The following NEK1 variants were observed in gnomAD, a reference collection of about 807,000 sequenced individuals.
The protein encoded by NEK1 is NIMA related kinase 1.
Under a neutral mutation model 182.1 loss-of-function variants are expected in NEK1, and 137 were observed. That is an observed-to-expected ratio of 0.75 (90% CI 0.65 to 0.87). The LOEUF (loss-of-function observed/expected upper bound fraction) is 0.87. NEK1 is among the 40% of genes least tolerant of loss of function. The probability of loss-of-function intolerance (pLI) is 0.00; values close to 1 mark genes in which losing one functional copy is unlikely to be tolerated. For synonymous variants in NEK1, 513 were observed against 492.2 expected (o/e 1.04, Z -0.56); for missense variants, 1,391 against 1,494.4 (o/e 0.93, Z 1.14).
chr4:169,571,661 A>G (rs1764872713), intron 12 of NEK1, among the ~76,000 whole-genome samples: 1 of 152,172 alleles, frequency 6.6e-6, no homozygotes, highest in South Asian at 2.1e-4. Context: ...TAGCAAGGGA[A>G]GAGTAGCAAA....
chr4:169,508,717 T>A (rs1384107541), intron 20 of NEK1, 52 bp downstream of exon 20: 2 of 1,376,046 alleles, frequency 1.5e-6, no homozygotes, highest in Non-Finnish European at 2.0e-6. Flanking sequence ...AAGAAGGCAA[T>A]AAATTCAAAA....
intron 18 of NEK1, among the ~76,000 whole-genome samples, chr4:169,540,332 A>G (rs1759200554): frequency 6.6e-6 from 1 of 152,142 alleles, no homozygotes; most frequent in African/African-American, 2.4e-5. Context: ...TAATAGAATA[A>G]AAGACAAAAT....
rs1047097728 is a variant in NEK1 at position 169,511,655 on chromosome 4, T to C, written c.1666-2803A>G. On this transcript the variant is annotated intron_variant, in intron 19 of 35. Transcript: ENST00000507142. ...AACTGACATTGATTCAAATTATAGA[T>C]ATAATCTTTTATTTGTGCCGTGCAT... 1.3e-5 allele frequency among the ~76,000 whole-genome samples: 2 copies of C among 151,990 alleles called. 1 individual carries two copies. Among genetic ancestry groups the C allele is most frequent in the South Asian group, 4.1e-4 (2 of 4,828 alleles).
intron 31 of NEK1, among the ~76,000 whole-genome samples, chr4:169,409,102 G>T (rs1218732869): frequency 6.6e-6 from 1 of 152,070 alleles, no homozygotes; most frequent in Non-Finnish European, 1.5e-5. Flanking sequence ...GTGTAAAAGT[G>T]TTCCCTTTTC....
At chr4:169,557,110 T>C (rs1762275680) in intron 16 of NEK1, among the ~76,000 whole-genome samples, 1 of 152,028 alleles carries the variant, frequency 6.6e-6, no homozygotes, top group Non-Finnish European at 1.5e-5. Flanking sequence ...AAGTCAATAT[T>C]ATGCATGGTA....
At chr4:169,501,525 T>TA (rs1450434817) in intron 23 of NEK1, among the ~76,000 whole-genome samples, 3 of 152,122 alleles carry the variant, frequency 2.0e-5, no homozygotes, top group Non-Finnish European at 4.4e-5. Flanking sequence ...ATAAATTTTT[T>TA]AAAAAACTGA....
chr4:169,435,412 G>C (rs906544713), intron 28 of NEK1, among the ~76,000 whole-genome samples: 1 of 152,040 alleles, frequency 6.6e-6, no homozygotes, highest in Non-Finnish European at 1.5e-5. Flanking sequence ...ACAAACTTTC[G>C]TTCCATAATG....
intron 29 of NEK1, among the ~76,000 whole-genome samples, chr4:169,431,526 T>TAATAG (rs70961602): frequency 0.9 from 136,402 of 151,650 alleles, 61,419 homozygotes; most frequent in Middle Eastern, 0.94. Context: ...GTAGACAGAC[T>TAATAG]AATAGGAAAA....
rs71590009 is a variant in NEK1, at chr4:169,428,351, G to GAGATATATATATATAT, written c.2886-2118_2886-2117insATATATATATATATCT. Among the ~76,000 whole-genome samples, 45 of 93,240 alleles carry GAGATATATATATATAT rather than the reference G, an allele frequency of 4.8e-4. 2 individuals are homozygous for GAGATATATATATATAT. In the East Asian group the frequency reaches 0.014, roughly 29 times the overall value. The allele number at this position is 93,240 out of a possible 152,430, so 61.2% of individuals were successfully genotyped here. A position where few individuals can be genotyped will look rare whatever the true frequency, so the allele number is the denominator to read the frequency against. ...ACTGATGAATTATAAAAATATATGG[G>GAGATATATATATATAT]ATATATATATATATATATATAATGG... On this transcript the variant is annotated intron_variant, in intron 29 of 35. Coordinates refer to ENST00000507142, the MANE Select transcript of NEK1 (RefSeq NM_001199397.3).
At chr4:169,513,004 T>TAA (rs1392019448) in intron 19 of NEK1, among the ~76,000 whole-genome samples, 1 of 152,168 alleles carries the variant, frequency 6.6e-6, no homozygotes, top group Admixed American at 6.5e-5. Context: ...ACTGTAGCTA[T>TAA]AAGTTAGCCT....
intron 19 of NEK1, among the ~76,000 whole-genome samples, chr4:169,513,163 C>A (rs944717784): frequency 2.0e-5 from 3 of 152,136 alleles, no homozygotes; most frequent in Non-Finnish European, 2.9e-5. Context: ...ATTGCATTAT[C>A]TCTCCAATTT....
chr4:169,573,355 G>C (rs915153883), intron 12 of NEK1, among the ~76,000 whole-genome samples: 2 of 152,140 alleles, frequency 1.3e-5, no homozygotes, highest in African/African-American at 4.8e-5. Context: ...AAGTAGAAGA[G>C]TAAATACACT....
In NEK1 at chr4:169,463,329, C is replaced by T; in HGVS notation, c.2501G>A (p.Ser834Asn). ...TATCTTTAGAACAGAATCTGTCGGACTTTTCCCCCAGGCTCTTCTTGGAGA... is the reference window on the plus strand; with the variant it reads ...TATCTTTAGAACAGAATCTGTCGGATTTTTCCCCCAGGCTCTTCTTGGAGA... ...NGSPRRAWGK[S>N]PTDSVLKILG... The change falls in exon 27 of 36, where the codon AGT (serine) becomes AAT (asparagine). Residue 834 changes from serine to asparagine, a missense_variant. Around this residue, in one of 5 missense-constraint regions of NEK1, gnomAD observed 1,216 missense variants for 1,277.6 expected, o/e 0.95. Coordinates refer to ENST00000507142, the MANE Select transcript of NEK1 (RefSeq NM_001199397.3). 1.2e-6 allele frequency: 2 copies of T among 1,610,530 alleles called. No individual in the cohort carries two copies. The highest frequency in any genetic ancestry group is 1.7e-6 in the Non-Finnish European group (2 of 1,177,878).
intron 19 of NEK1, among the ~76,000 whole-genome samples, chr4:169,533,924 A>G (rs1271538622): frequency 6.6e-6 from 1 of 152,216 alleles, no homozygotes; most frequent in Non-Finnish European, 1.5e-5. Context: ...AGACAAAACA[A>G]AACAACTGAG....
chr4:169,591,266 C>T (rs914431836), intron 5 of NEK1, among the ~76,000 whole-genome samples: 28 of 151,992 alleles, frequency 1.8e-4, no homozygotes, highest in African/African-American at 6.8e-4. Context: ...CAGCCTCAGC[C>T]TCCGAGGGAC....
chr4:169,405,024 G>A (rs2111078763), intron 32 of NEK1, among the ~76,000 whole-genome samples: 1 of 152,228 alleles, frequency 6.6e-6, no homozygotes, highest in Non-Finnish European at 1.5e-5. Context: ...ACTCCCCATT[G>A]GCATGGCTTT....
chr4:169,575,129 T>C (rs1207625773), intron 12 of NEK1, among the ~76,000 whole-genome samples: 11 of 152,290 alleles, frequency 7.2e-5, no homozygotes, highest in East Asian at 3.9e-4. Context: ...GCTGGAGTCC[T>C]AGGCTTCCTG....
chr4:169,600,701 C>A (rs1235523661), intron 4 of NEK1, among the ~76,000 whole-genome samples: 5 of 151,958 alleles, frequency 3.3e-5, no homozygotes, highest in Non-Finnish European at 7.4e-5. Flanking sequence ...GTGAAAAAAA[C>A]TCCTGAAAAC....
chr4:169,587,252 T>G (rs920737845), intron 9 of NEK1, among the ~76,000 whole-genome samples: 5 of 151,972 alleles, frequency 3.3e-5, no homozygotes, highest in African/African-American at 9.7e-5. Context: ...CTAGTAAAAT[T>G]TATTAAGCTG....
Sources: allele counts gnomAD v4.1 joint callset (sites outside exome capture counted in the v4.1 genomes callset), GRCh38; gene constraint gnomAD v4.1.1; regional missense constraint gnomAD v4.1.1; transcripts MANE v1.5; gene names NCBI Gene and HGNC (gene_info 2026-07-23, HGNC 2026-07-21).